Variants in KIF6 observed in about 807,000 individuals in gnomAD.
KIF6 encodes kinesin-like protein KIF6.
A neutral mutation model predicts 112.7 loss-of-function variants in KIF6; 106 were observed. The observed-to-expected ratio is 0.94, with a 90% CI of 0.80 to 1.11. The LOEUF is 1.11. KIF6 is among the 50% of genes least tolerant of loss of function. The pLI, the probability that KIF6 is intolerant of heterozygous loss-of-function variation, is 0.00. For missense variants in KIF6, 929 were observed against 964.0 expected, an observed-to-expected ratio of 0.96 and a Z score of 0.48; for synonymous variants, 339 against 339.9, an observed-to-expected ratio of 1.00 and a Z score of 0.03.
At chr6:39,396,303 A>G (rs571612359) in intron 15 of KIF6, among the ~76,000 whole-genome samples, 60 of 152,338 alleles carry the variant, frequency 3.9e-4, no homozygotes, top group Non-Finnish European at 8.1e-4. Flanking sequence ...CCCACCATTG[A>G]ATCTGTGAGG....
intron 19 of KIF6, among the ~76,000 whole-genome samples, chr6:39,349,631 CTTTTTTTTT>C (rs58810898): frequency 4.2e-4 from 27 of 64,562 alleles, no homozygotes; most frequent in South Asian, 1.5e-3. Context: ...ATTTGTGGCT[CTTTTTTTTT>C]TTTTTTTTTT....
chr6:39,359,227 T>C (rs1334054487), intron 18 of KIF6, among the ~76,000 whole-genome samples: 1 of 152,138 alleles, frequency 6.6e-6, no homozygotes, highest in Non-Finnish European at 1.5e-5. Context: ...AGAAAAGGGA[T>C]CTGATTGTGC....
At chr6:39,660,967 CAT>C (rs1786106958) in intron 3 of KIF6, among the ~76,000 whole-genome samples, 1 of 152,182 alleles carries the variant, frequency 6.6e-6, no homozygotes, top group African/African-American at 2.4e-5. Context: ...CTGGTGCTTA[CAT>C]GTTTGTTTAT....
At chr6:39,592,302 T>C (rs1465205991) in intron 7 of KIF6, among the ~76,000 whole-genome samples, 1 of 152,244 alleles carries the variant, frequency 6.6e-6, no homozygotes, top group South Asian at 2.1e-4. Flanking sequence ...TAATTCTATT[T>C]ACTATTTAAT....
chr6:39,618,644 T>A (rs2150731039), intron 5 of KIF6, among the ~76,000 whole-genome samples: 1 of 152,230 alleles, frequency 6.6e-6, no homozygotes, highest in African/African-American at 2.4e-5. Context: ...AATCACAAAA[T>A]CTAATTAAAA....
intron 3 of KIF6, among the ~76,000 whole-genome samples, chr6:39,680,866 G>A (rs911926053): frequency 2.0e-5 from 3 of 152,128 alleles, no homozygotes; most frequent in African/African-American, 4.8e-5. Flanking sequence ...ATAGAAGAAG[G>A]ACTGCAGGTG....
intron 3 of KIF6, among the ~76,000 whole-genome samples, chr6:39,652,816 T>C (rs1018066426): frequency 6.6e-6 from 1 of 152,180 alleles, no homozygotes; most frequent in Non-Finnish European, 1.5e-5. Context: ...AATACCAAAG[T>C]CTATTTGATT....
chr6:39,393,693 C>T (rs1234454086), intron 15 of KIF6, among the ~76,000 whole-genome samples: 2 of 152,080 alleles, frequency 1.3e-5, no homozygotes, highest in African/African-American at 4.8e-5. Flanking sequence ...GTGAGATGTT[C>T]AGTGGGGAGT....
intron 19 of KIF6, among the ~76,000 whole-genome samples, chr6:39,348,953 C>T (rs576525171): frequency 3.9e-5 from 6 of 152,164 alleles, no homozygotes; most frequent in South Asian, 2.1e-4. Context: ...ACAGAGTGAC[C>T]GTGTCGGAGG....
chr6:39,643,382 A>C (rs1785008632), intron 3 of KIF6, among the ~76,000 whole-genome samples: 1 of 152,244 alleles, frequency 6.6e-6, no homozygotes, highest in Non-Finnish European at 1.5e-5. Context: ...GAAAAGAAAG[A>C]ACAAAGGTAG....
At chr6:39,716,177 T>C in intron 2 of KIF6, among the ~76,000 whole-genome samples, 1 of 152,210 alleles carries the variant, frequency 6.6e-6, no homozygotes, top group East Asian at 1.9e-4. Flanking sequence ...AAAGGTACCT[T>C]GTGTAAAATT....
chr6:39,568,027 A>G (rs1780408056), intron 10 of KIF6, among the ~76,000 whole-genome samples: 1 of 152,228 alleles, frequency 6.6e-6, no homozygotes, highest in African/African-American at 2.4e-5. Flanking sequence ...CGCCAGGCAG[A>G]GTATTCACTA....
intron 14 of KIF6, among the ~76,000 whole-genome samples, chr6:39,423,084 G>T (rs1031080107): frequency 1.3e-5 from 2 of 152,206 alleles, no homozygotes; most frequent in African/African-American, 4.8e-5. Flanking sequence ...TTAGTTGTGT[G>T]GCTGGCTTTG....
At chr6:39,640,156 C>T (rs1784831199) in intron 3 of KIF6, among the ~76,000 whole-genome samples, 1 of 152,066 alleles carries the variant, frequency 6.6e-6, no homozygotes, top group Admixed American at 6.6e-5. Flanking sequence ...CTTCCTAGAA[C>T]AGGAGGAACA....
chr6:39,615,730 T>C lies in KIF6; in HGVS notation c.510-2412A>G, dbSNP rs138588103. ...TTACTTTCCATCCTGTTCCACTTCA[T>C]GCCCAAAGGGTAAAATTACTAATTT... is the stretch of plus-strand genomic sequence containing the variant. On this transcript the variant is annotated intron_variant, in intron 5 of 22. Coordinates refer to ENST00000287152, the MANE Select transcript of KIF6 (RefSeq NM_145027.6). Among the ~76,000 whole-genome samples, 931 of 152,266 alleles carry C rather than the reference T, an allele frequency of 6.1e-3. 11 individuals are homozygous for C. Among genetic ancestry groups the C allele is most frequent in the African/African-American group, 0.021 (871 of 41,544 alleles).
intron 13 of KIF6, among the ~76,000 whole-genome samples, chr6:39,536,213 C>A (rs534285307): frequency 3.3e-5 from 5 of 151,782 alleles, no homozygotes; most frequent in Admixed American, 2.0e-4. Flanking sequence ...TAACTAAAAT[C>A]AGAGCAGAAC....
intron 13 of KIF6, among the ~76,000 whole-genome samples, chr6:39,535,555 G>A (rs1462384194): frequency 2.6e-5 from 4 of 152,176 alleles, no homozygotes; most frequent in African/African-American, 4.8e-5. Flanking sequence ...GCACCCAGAT[G>A]CATAAAGCAA....
intron 2 of KIF6, among the ~76,000 whole-genome samples, chr6:39,715,505 A>AGT (rs1789791192): frequency 7.2e-6 from 1 of 138,290 alleles, no homozygotes; most frequent in Non-Finnish European, 1.5e-5. Flanking sequence ...CACAGAATCT[A>AGT]TTTTTTTTTT....
rs1395715706 is a variant in KIF6, at chr6:39,703,085, C to CA, written c.251+11606_251+11607insT. 6.2e-4 allele frequency among the ~76,000 whole-genome samples: 32 copies of CA among 51,596 alleles called. 3 individuals are homozygous for CA. Among genetic ancestry groups the CA allele is most frequent in the Admixed American group, 1.3e-3 (5 of 3,950 alleles). The allele number at this position is 51,596 out of a possible 152,430, so 33.8% of individuals were successfully genotyped here. On this transcript the variant is annotated intron_variant, in intron 3 of 22. Coordinates refer to ENST00000287152, the MANE Select transcript of KIF6 (RefSeq NM_145027.6). ...AGACAAAATCCACCAACCCCCCACCCCCACTCCCGGCCACCAAGACAAAAC... is the reference window on the plus strand; with the variant it reads ...AGACAAAATCCACCAACCCCCCACCCACCACTCCCGGCCACCAAGACAAAAC...
Sources: allele counts gnomAD v4.1 joint callset (sites outside exome capture counted in the v4.1 genomes callset), GRCh38; gene constraint gnomAD v4.1.1; transcripts MANE v1.5; gene names NCBI Gene and HGNC (gene_info 2026-07-23, HGNC 2026-07-21).